Variants in PCDHGB6 observed in about 807,000 individuals in gnomAD.
The protein encoded by PCDHGB6 is protocadherin gamma-B6.
Under a neutral mutation model 59.1 loss-of-function variants are expected in PCDHGB6, and 51 were observed. The observed-to-expected ratio is 0.86, with a 90% CI of 0.69 to 1.09. The LOEUF (loss-of-function observed/expected upper bound fraction) is 1.09. PCDHGB6 is among the 50% of genes least tolerant of loss of function. The pLI is 0.00. For missense variants in PCDHGB6, 1,148 were observed against 1,205.1 expected (o/e 0.95, Z 0.70); for synonymous variants, 466 against 495.1 (o/e 0.94, Z 0.78).
At chr5:141,492,256 A>G (rs1323720621) in intron 1 of PCDHGB6, among the ~76,000 whole-genome samples, 1 of 151,974 alleles carries the variant, frequency 6.6e-6, no homozygotes, top group Non-Finnish European at 1.5e-5. Context: ...CGGCCCACAC[A>G]AGTTGCACGG....
intron 3 of PCDHGB6, 90 bp from the exon 4 acceptor site, chr5:141,510,857 A>G (rs1184962556): frequency 6.2e-7 from 1 of 1,605,538 alleles, no homozygotes; most frequent in Non-Finnish European, 8.5e-7. Flanking sequence ...AGGGTGCTGT[A>G]TAGGCATTCA....
Position 141,409,449 on chromosome 5 carries a change from C to A in PCDHGB6, c.1247C>A (p.Pro416Gln), listed in dbSNP as rs1317609642. 1 of 1,613,934 alleles carries A rather than the reference C, an allele frequency of 6.2e-7. No individual in the cohort carries two copies. Among genetic ancestry groups the A allele is most frequent in the South Asian group, 1.1e-5 (1 of 91,082 alleles). Residue 416 changes from proline (P) to glutamine (Q), a missense_variant, in exon 1 of 4, where the codon CCA becomes CAA. By Grantham distance (76) the Pro-to-Gln change is moderately conservative (BLOSUM62 -1). Coordinates refer to ENST00000520790, the MANE Select transcript of PCDHGB6 (RefSeq NM_018926.3). ...GGAGCCCTGGACCGAGAGCAGACAC[C>A]AGAATACAATGTCACCATCGTAGCC... ...TDGALDREQT[P>Q]EYNVTIVATD...
intron 1 of PCDHGB6, chr5:141,441,671 C>A (rs1027440120): frequency 7.0e-6 from 2 of 287,530 alleles, no homozygotes; most frequent in South Asian, 2.9e-5. Flanking sequence ...GCGCACAGTG[C>A]GCCTTCGACC....
chr5:141,437,076 A>T (rs1018228245), intron 1 of PCDHGB6, among the ~76,000 whole-genome samples: 2 of 152,236 alleles, frequency 1.3e-5, no homozygotes, highest in African/African-American at 4.8e-5. Context: ...TTTGGGCCAT[A>T]TAAGAATTGA....
At chr5:141,438,630 A>ATG (rs2098034686) in intron 1 of PCDHGB6, among the ~76,000 whole-genome samples, 1 of 38,920 alleles carries the variant, frequency 2.6e-5, no homozygotes, top group Non-Finnish European at 4.2e-5. Flanking sequence ...ATATATATAT[A>ATG]TATATACACA....
chr5:141,454,948 C>T (rs2098807728), intron 1 of PCDHGB6, among the ~76,000 whole-genome samples: 1 of 151,548 alleles, frequency 6.6e-6, no homozygotes, highest in Non-Finnish European at 1.5e-5. Flanking sequence ...GCTGGGACTA[C>T]AGGCGCCGGC....
chr5:141,465,348 A>G (rs886810999), intron 1 of PCDHGB6, among the ~76,000 whole-genome samples: 2 of 152,158 alleles, frequency 1.3e-5, no homozygotes, highest in African/African-American at 4.8e-5. Flanking sequence ...GTTACTGAAG[A>G]AAAAATGGGT....
intron 1 of PCDHGB6, among the ~76,000 whole-genome samples, chr5:141,461,616 T>A (rs1399885412): frequency 6.6e-6 from 1 of 152,236 alleles, no homozygotes; most frequent in African/African-American, 2.4e-5. Context: ...CAAAGTATTT[T>A]CTAATACACC....
At position 141,432,724 on chromosome 5, in the gene PCDHGB6, C is replaced by T. The variant is rs752394602; in HGVS notation, c.2418+22104C>T. ...AGGACCACGGCCAGCCCCCTCTCTCCGCCACTGTCACGCTCACCGTGGCCG... is the reference window on the plus strand; with the variant it reads ...AGGACCACGGCCAGCCCCCTCTCTCTGCCACTGTCACGCTCACCGTGGCCG... On this transcript the variant is annotated intron_variant, in intron 1 of 3. Coordinates refer to ENST00000520790, the MANE Select transcript of PCDHGB6 (RefSeq NM_018926.3). The surrounding 1 kb of genome is among the most constrained non-coding windows in gnomAD (Gnocchi z 6.0). The T allele has an allele frequency of 8.1e-6, 13 of 1,614,066 alleles. No individual in the cohort carries two copies. Among genetic ancestry groups the T allele is most frequent in the Middle Eastern group, 1.6e-4 (1 of 6,062 alleles).
intron 1 of PCDHGB6, chr5:141,478,721 C>A: frequency 6.5e-7 from 1 of 1,543,216 alleles, no homozygotes; most frequent in Non-Finnish European, 8.8e-7. Context: ...TGGTGGCCTG[C>A]CAGAGTGTGG....
At chr5:141,420,334 T>A in intron 1 of PCDHGB6, 1 of 1,402,910 alleles carries the variant, frequency 7.1e-7, no homozygotes, top group Non-Finnish European at 9.5e-7. Context: ...TATATTCCAA[T>A]ATAGTGGTAT....
At chr5:141,455,239 G>A (rs1034181635) in intron 1 of PCDHGB6, among the ~76,000 whole-genome samples, 1 of 151,898 alleles carries the variant, frequency 6.6e-6, no homozygotes, top group African/African-American at 2.4e-5. Context: ...AAATGTTAAA[G>A]GTCATAGTAC....
chr5:141,411,806 C>G (rs1276116820), intron 1 of PCDHGB6: 1 of 151,860 alleles, frequency 6.6e-6, no homozygotes, highest in Non-Finnish European at 1.5e-5. Flanking sequence ...CGCTTGAGCC[C>G]AGGAAGTCTA....
At chr5:141,422,897 A>AT (rs778069795) in intron 1 of PCDHGB6, 4 of 1,614,212 alleles carry the variant, frequency 2.5e-6, no homozygotes, top group Non-Finnish European at 3.4e-6. Flanking sequence ...CTGGACCAGA[A>AT]CGACAATGCG....
rs1203060261 is a variant in PCDHGB6, at chr5:141,493,037, AG to A, written c.2419-1768del. 3.3e-5 allele frequency among the ~76,000 whole-genome samples: 5 copies of A among 152,252 alleles called. No individual in the cohort carries two copies. The highest frequency in any genetic ancestry group is 2.6e-4 in the Admixed American group (4 of 15,290). ...AGATGCCAGGGTGCCCTTATGTGTG[AG>A]GAAACTACAATAGTAAAAAACACAA... is the stretch of plus-strand genomic sequence containing the variant. On this transcript the variant is annotated intron_variant, in intron 1 of 3. Transcript: ENST00000520790. This position sits in a 1 kb window ranked among gnomAD's most constrained non-coding sequence, Gnocchi z 4.3.
chr5:141,443,947 T>C (rs2098410978), intron 1 of PCDHGB6, among the ~76,000 whole-genome samples: 1 of 152,082 alleles, frequency 6.6e-6, no homozygotes, highest in Non-Finnish European at 1.5e-5. Flanking sequence ...GGTTTCCTTA[T>C]TGGTATGTAT....
At chr5:141,415,183 G>A (rs201831693) in intron 1 of PCDHGB6, 913 of 1,613,968 alleles carry the variant, frequency 5.7e-4, no homozygotes, top group Non-Finnish European at 5.1e-4. Flanking sequence ...GGCCGTGGCC[G>A]ACAGCATCCC....
At chr5:141,478,840 A>G (rs2099480064) in intron 1 of PCDHGB6, 1 of 1,410,466 alleles carries the variant, frequency 7.1e-7, no homozygotes, top group Non-Finnish European at 9.3e-7. Context: ...AGGGATGGTT[A>G]AGCTAAAACA....
rs780395794 is a variant in PCDHGB6, at chr5:141,489,685, G to A, written c.2419-5122G>A. ...GCGCATCTCAGAATCAGCAGCATCT[G>A]GGGCACGATTCCCACTGGACAGTGC... On this transcript the variant is annotated intron_variant, in intron 1 of 3. Coordinates refer to ENST00000520790, the MANE Select transcript of PCDHGB6 (RefSeq NM_018926.3). The surrounding 1 kb of genome is among the most constrained non-coding windows in gnomAD (Gnocchi z 4.5). 10 of 1,614,142 alleles carry A rather than the reference G, an allele frequency of 6.2e-6. No individual in the cohort carries two copies. The South Asian group carries it at 1.1e-4, about 18-fold the overall frequency.
Sources: gnomAD v4.1 joint callset for allele counts (sites outside exome capture counted in the v4.1 genomes callset) on GRCh38, gnomAD v4.1.1 for gene constraint, Gnocchi (gnomAD v3.1) non-coding constraint, MANE v1.5 for transcripts, NCBI Gene and HGNC (gene_info 2026-07-23, HGNC 2026-07-21) for gene names.